Variants in PAX2 observed in about 807,000 individuals in gnomAD.
PAX2 encodes the protein paired box 2, also known as paired box protein Pax-2.
In PAX2, 9 loss-of-function variants were observed where a neutral mutation model predicts 41.7. The observed-to-expected ratio is 0.22, with a 90% confidence interval of 0.13 to 0.38. The LOEUF (loss-of-function observed/expected upper bound fraction) is 0.38, where lower values mean the gene tolerates loss of function less well. Among genes scored for constraint, PAX2 ranks in the 10% least tolerant of loss-of-function variants. The probability of loss-of-function intolerance (pLI) is 1.00; values close to 1 mark genes in which losing one functional copy is unlikely to be tolerated. For synonymous variants in PAX2, 221 were observed against 212.7 expected, an observed-to-expected ratio of 1.04 and a Z score of -0.34; for missense variants, 418 against 531.6, an observed-to-expected ratio of 0.79 and a Z score of 2.10.
chr10:100,763,555 A>G (rs947147125), intron 3 of PAX2, among the ~76,000 whole-genome samples: 1 of 152,188 alleles, frequency 6.6e-6, no homozygotes, highest in Non-Finnish European at 1.5e-5. Context: ...ACAGCTGGTG[A>G]GAGGTTTCCT....
chr10:100,781,579 G>A (rs1204655476), intron 5 of PAX2, among the ~76,000 whole-genome samples: 1 of 152,224 alleles, frequency 6.6e-6, no homozygotes, highest in African/African-American at 2.4e-5. Context: ...AGCCCCGGCT[G>A]CCTCACCTGC....
At chr10:100,779,711 A>T in intron 4 of PAX2, 128 bp downstream of exon 4, 1 of 734,988 alleles carries the variant, frequency 1.4e-6, no homozygotes, top group South Asian at 1.5e-5. Flanking sequence ...AACTCCTCTC[A>T]CCTGAGCTCC....
chr10:100,773,536 G>A (rs767037402), intron 3 of PAX2, among the ~76,000 whole-genome samples: 5 of 152,112 alleles, frequency 3.3e-5, no homozygotes, highest in African/African-American at 4.8e-5. Flanking sequence ...ACCCTGAGGC[G>A]GACGGTGGAT....
At chr10:100,756,292 C>T (rs1845625663) in intron 3 of PAX2, among the ~76,000 whole-genome samples, 1 of 152,152 alleles carries the variant, frequency 6.6e-6, no homozygotes, top group South Asian at 2.1e-4. Flanking sequence ...CCGCTCCCAG[C>T]TTCTTAGGTG....
Position 100,745,885 on chromosome 10 carries a change from A to T in PAX2, c.-376A>T. 1 of 1,093,672 alleles carries T rather than the reference A, an allele frequency of 9.1e-7. No homozygotes were observed. The allele number at this position is 1,093,672 out of a possible 1,614,324, so 67.7% of individuals were successfully genotyped here. A position where few individuals can be genotyped will look rare whatever the true frequency, so the allele number is the denominator to read the frequency against. On this transcript the variant is annotated 5_prime_UTR_variant, in exon 1 of 10. Coordinates refer to ENST00000355243, the MANE Select transcript of PAX2 (RefSeq NM_000278.5). The stretch of plus-strand genomic sequence containing the variant: ...CTCTCCGACCACCGCCTCTCGGATG[A>T]CCAGGTTCCAGGGGAGCTGAGCGAG...
At position 100,806,042 on chromosome 10, in the gene PAX2, G is replaced by A. The variant is rs192122212; in HGVS notation, c.617-388G>A. ...TTCAATTCTCCACAGGCTCAGTAAT[G>A]CCAGTCTGAGACACCCAGCTTCTTT... On this transcript the variant is annotated intron_variant, in intron 5 of 9. Coordinates refer to ENST00000355243, the MANE Select transcript of PAX2 (RefSeq NM_000278.5). Among the ~76,000 whole-genome samples, 10 of 152,312 alleles carry A rather than the reference G, an allele frequency of 6.6e-5. No individual in the cohort carries two copies. The East Asian group carries it at 1.9e-3, about 29-fold the overall frequency.
rs1322573329 is a variant in PAX2 at position 100,757,866 on chromosome 10, G to A, written c.410+6975G>A. 2.0e-5 allele frequency among the ~76,000 whole-genome samples: 3 copies of A among 152,318 alleles called. No homozygotes were observed. The East Asian group carries it at 5.8e-4, about 29-fold the overall frequency. On this transcript the variant is annotated intron_variant, in intron 3 of 9. Coordinates refer to ENST00000355243, the MANE Select transcript of PAX2 (RefSeq NM_000278.5). The stretch of plus-strand genomic sequence containing the variant: ...AGGGGAGCTGTTGAGGGTATGGGAA[G>A]CTAAAGAAGAATGGTCTGGCGCTGT...
At chr10:100,766,048 AT>A (rs2133868034) in intron 3 of PAX2, among the ~76,000 whole-genome samples, 1 of 152,320 alleles carries the variant, frequency 6.6e-6, no homozygotes, top group East Asian at 1.9e-4. Flanking sequence ...GCTTTATAGG[AT>A]TGTTATAGAT....
rs1845312392 is a variant in PAX2, at chr10:100,748,774, C to T, written c.44-972C>T. 3.0e-6 allele frequency: 3 copies of T among 985,334 alleles called. No homozygotes were observed. The highest frequency in any genetic ancestry group is 1.1e-4 in the East Asian group (1 of 8,832). The allele number at this position is 985,334 out of a possible 1,614,324, so 61.0% of individuals were successfully genotyped here. A position where few individuals can be genotyped will look rare whatever the true frequency, so the allele number is the denominator to read the frequency against. ...GCCGAAAGAGCAAAAGCCCGAGCCG[C>T]TCGGTTTCCTGGGGGGGCTGCCGAG... On this transcript the variant is annotated intron_variant, in intron 1 of 9. Coordinates refer to ENST00000355243, the MANE Select transcript of PAX2 (RefSeq NM_000278.5). The surrounding 1 kb of genome is among the most constrained non-coding windows in gnomAD (Gnocchi z 5.0).
chr10:100,824,613 C>A lies in PAX2; in HGVS notation c.920-35C>A. ...GTGAGTAGAGGCAGGCCCCTTTCTT[C>A]CAGGCCTCACCCCTTCCCCTTTGTG... On this transcript the variant is annotated intron_variant, in intron 7 of 9. Transcript: ENST00000355243. The surrounding 1 kb of genome is among the most constrained non-coding windows in gnomAD (Gnocchi z 6.6). 1 of 1,400,308 alleles carries A rather than the reference C, an allele frequency of 7.1e-7. No individual in the cohort carries two copies. The highest frequency in any genetic ancestry group is 1.0e-6 in the Non-Finnish European group (1 of 984,452). 86.7% of individuals were successfully genotyped at this position (1,400,308 alleles called of 1,614,324 possible). A position where few individuals can be genotyped will look rare whatever the true frequency, so the allele number is the denominator to read the frequency against.
chr10:100,804,271 T>C (rs201734948), intron 5 of PAX2, among the ~76,000 whole-genome samples: 2 of 147,764 alleles, frequency 1.4e-5, no homozygotes, highest in African/African-American at 5.0e-5. Context: ...GTTCAGCCCC[T>C]ACACACACAC....
chr10:100,828,698 G>A lies in PAX2; in HGVS notation c.*1079G>A, dbSNP rs1056216138. 1 of 233,288 alleles carries A rather than the reference G, an allele frequency of 4.3e-6. No homozygotes were observed. The highest frequency in any genetic ancestry group is 8.5e-6 in the Non-Finnish European group (1 of 118,078). The allele number at this position is 233,288 out of a possible 1,614,324, so 14.5% of individuals were successfully genotyped here. A position where few individuals can be genotyped will look rare whatever the true frequency, so the allele number is the denominator to read the frequency against. ...TCTGAGCTGGCGTCTGAGCTGCTGC[G>A]GGGTGGAAGTGGGGGGCTGCCCACT... On this transcript the variant is annotated 3_prime_UTR_variant, in exon 10 of 10. Transcript: ENST00000355243. The surrounding 1 kb of genome is among the most constrained non-coding windows in gnomAD (Gnocchi z 6.5).
rs578131718 is a variant in PAX2 at position 100,785,539 on chromosome 10, T to A, written c.616+4174T>A. On this transcript the variant is annotated intron_variant, in intron 5 of 9. Coordinates refer to ENST00000355243, the MANE Select transcript of PAX2 (RefSeq NM_000278.5). ...CATGGCTGCAGATGGCCGAGTCCTG[T>A]CACTGCCTTTAATAGCTCCCTTCTG... is the stretch of plus-strand genomic sequence containing the variant. Among the ~76,000 whole-genome samples the A allele has an allele frequency of 2.6e-4, 39 of 152,320 alleles. 1 individual carries two copies. The highest frequency in any genetic ancestry group is 7.9e-4 in the African/African-American group (33 of 41,570).
intron 3 of PAX2, among the ~76,000 whole-genome samples, chr10:100,758,025 G>A (rs749285362): frequency 2.6e-5 from 4 of 152,150 alleles, no homozygotes; most frequent in Non-Finnish European, 5.9e-5. Flanking sequence ...TGGGAGAAAT[G>A]AGGCCCTTTC....
At position 100,779,540 on chromosome 10, in the gene PAX2, G is replaced by C. The variant is rs199876625; in HGVS notation, c.453G>C (p.Pro151=). Residue 151 remains proline (P), a synonymous_variant, in exon 4 of 10, where the codon CCG becomes CCC. Transcript: ENST00000355243. The part of the protein sequence containing the change: ...TKVQQPFHPT[P]DGAGTGVTAP... The stretch of plus-strand genomic sequence containing the variant: ...TTCAGCAGCCTTTCCACCCAACGCC[G>C]GATGGGGCTGGGACAGGAGTGACCG... The C allele has an allele frequency of 1.3e-5, 20 of 1,596,732 alleles. No homozygotes were observed. Among genetic ancestry groups the C allele is most frequent in the Non-Finnish European group, 1.6e-5 (19 of 1,172,098 alleles).
At chr10:100,767,493 A>T (rs897174177) in intron 3 of PAX2, among the ~76,000 whole-genome samples, 1 of 152,102 alleles carries the variant, frequency 6.6e-6, no homozygotes, top group African/African-American at 2.4e-5. Context: ...TCCAGGGATA[A>T]AGGGAAAGGT....
chr10:100,817,304 G>T (rs1848222409), intron 7 of PAX2, among the ~76,000 whole-genome samples: 1 of 152,222 alleles, frequency 6.6e-6, no homozygotes, highest in Non-Finnish European at 1.5e-5. Context: ...AAACAAGGGA[G>T]TTGGACTAGA....
At chr10:100,812,681 C>G (rs985055288) in intron 7 of PAX2, among the ~76,000 whole-genome samples, 1 of 152,156 alleles carries the variant, frequency 6.6e-6, no homozygotes, top group South Asian at 2.1e-4. Flanking sequence ...TCACCTTGAC[C>G]CCCCCTCCCC....
At chr10:100,793,896 G>C (rs1467242659) in intron 5 of PAX2, among the ~76,000 whole-genome samples, 1 of 152,196 alleles carries the variant, frequency 6.6e-6, no homozygotes, top group Admixed American at 6.5e-5. Flanking sequence ...CTTAGAGCCT[G>C]CTGGGGAAGG....
Sources: gnomAD v4.1 joint callset for allele counts (sites outside exome capture counted in the v4.1 genomes callset) on GRCh38, gnomAD v4.1.1 for gene constraint, Gnocchi (gnomAD v3.1) non-coding constraint, MANE v1.5 for transcripts, NCBI Gene and HGNC (gene_info 2026-07-23, HGNC 2026-07-21) for gene names.